The following SATB1 variants were observed in gnomAD, a reference collection of about 807,000 sequenced individuals.
SATB1 encodes SATB homeobox 1.
In SATB1, 11 loss-of-function variants were observed where a neutral mutation model predicts 86.9. The ratio of observed to expected loss-of-function variants is 0.13; its 90% CI spans 0.08 to 0.21. The LOEUF (loss-of-function observed/expected upper bound fraction) is 0.21, where lower values mean the gene tolerates loss of function less well. SATB1 is among the 10% of genes least tolerant of loss of function. SATB1 has a pLI of 1.00. For missense variants in SATB1, 551 were observed against 937.6 expected (o/e 0.59, Z 5.39); for synonymous variants, 357 against 357.2 (o/e 1.00, Z 0.01).
At chr3:18,407,714 T>C (rs1005244694) in intron 5 of SATB1, among the ~76,000 whole-genome samples, 1 of 151,924 alleles carries the variant, frequency 6.6e-6, no homozygotes, top group African/African-American at 2.4e-5. Flanking sequence ...AAAGTGATGC[T>C]AGAGAGCAAT....
intron 8 of SATB1, among the ~76,000 whole-genome samples, chr3:18,383,744 T>C (rs1030303526): frequency 1.3e-5 from 2 of 152,190 alleles, no homozygotes; most frequent in African/African-American, 4.8e-5. Context: ...TTTCAACTGC[T>C]ACAAGACAGC....
At chr3:18,439,797 A>G (rs781441721), upstream of SATB1, among the ~76,000 whole-genome samples, 21 of 152,192 alleles carry the variant, frequency 1.4e-4, no homozygotes, top group Non-Finnish European at 2.9e-4. Flanking sequence ...GAGTTCTGGA[A>G]TTCAACTTTA....
intron 7 of SATB1, among the ~76,000 whole-genome samples, chr3:18,387,924 G>A (rs1392260980): frequency 6.6e-6 from 1 of 152,094 alleles, no homozygotes; most frequent in Non-Finnish European, 1.5e-5. Flanking sequence ...CCATGTTGCC[G>A]AAATGCAACA....
At chr3:18,418,165 C>T (rs1033589153) in intron 2 of SATB1, among the ~76,000 whole-genome samples, 8 of 152,160 alleles carry the variant, frequency 5.3e-5, no homozygotes, top group Non-Finnish European at 2.9e-5. Flanking sequence ...CACCCAGGAT[C>T]CACAATTAGT....
intron 1 of SATB1, among the ~76,000 whole-genome samples, chr3:18,422,933 C>A (rs190883346): frequency 1.6e-4 from 25 of 152,296 alleles, no homozygotes; most frequent in Non-Finnish European, 2.9e-4. Context: ...TCATATAGGT[C>A]ATGAAAAACT....
chr3:18,431,416 C>T (rs1698887434), intron 2 of SATB1, among the ~76,000 whole-genome samples: 1 of 152,210 alleles, frequency 6.6e-6, no homozygotes, highest in African/African-American at 2.4e-5. Context: ...AACTGCAAGA[C>T]TCTAAGCATC....
chr3:18,413,614 T>A (rs1460714880), intron 5 of SATB1, among the ~76,000 whole-genome samples: 1 of 152,086 alleles, frequency 6.6e-6, no homozygotes, highest in Non-Finnish European at 1.5e-5. Context: ...CCTATTCATT[T>A]GTGATTAATT....
chr3:18,355,661 C>CAACAA (rs573699778), intron 9 of SATB1, among the ~76,000 whole-genome samples: 2 of 151,612 alleles, frequency 1.3e-5, no homozygotes, highest in Non-Finnish European at 3.0e-5. Flanking sequence ...AAAAAAACAC[C>CAACAA]AACAAAACAA....
intron 9 of SATB1, among the ~76,000 whole-genome samples, chr3:18,364,645 G>A (rs2125154939): frequency 6.6e-6 from 1 of 151,504 alleles, no homozygotes; most frequent in South Asian, 2.1e-4. Context: ...CCCCTAAATG[G>A]GTGACCCTTC....
At chr3:18,393,094 G>C (rs1696770476) in intron 7 of SATB1, among the ~76,000 whole-genome samples, 1 of 151,780 alleles carries the variant, frequency 6.6e-6, no homozygotes, top group Admixed American at 6.6e-5. Context: ...GATTCTCCTA[G>C]GTATGGAAAC....
chr3:18,396,240 T>G (rs1696959382), intron 6 of SATB1, among the ~76,000 whole-genome samples: 1 of 152,064 alleles, frequency 6.6e-6, no homozygotes, highest in Non-Finnish European at 1.5e-5. Flanking sequence ...CTTCAAATAT[T>G]AAGAGCTAAA....
chr3:18,444,497 A>T lies in SATB1; in HGVS notation c.-25+1021T>A, dbSNP rs978266663. On this transcript the variant is annotated intron_variant, in intron 1 of 3. Coordinates refer to the SATB1 transcript ENST00000415069. This position sits in a 1 kb window ranked among gnomAD's most constrained non-coding sequence, Gnocchi z 5.1. ...GGGAGCCCAGCCGCCCCAATAGGGG[A>T]CGAGGAGTGGGTGCTACGGAGAAGT... 2.5e-6 allele frequency: 2 copies of T among 792,838 alleles called. No homozygotes were observed. Among genetic ancestry groups the T allele is most frequent in the Non-Finnish European group, 3.1e-6 (2 of 654,400 alleles). The allele number at this position is 792,838 out of a possible 1,614,324, so 49.1% of individuals were successfully genotyped here. A position where few individuals can be genotyped will look rare whatever the true frequency, so the allele number is the denominator to read the frequency against.
rs144570798 is a variant in SATB1, at chr3:18,375,398, C to G, written c.1575+2772G>C. Among the ~76,000 whole-genome samples the G allele has an allele frequency of 1.2e-3, 188 of 152,122 alleles. 2 individuals carry two copies. The highest frequency in any genetic ancestry group is 2.9e-3 in the East Asian group (15 of 5,174). The stretch of plus-strand genomic sequence containing the variant: ...AAAAAAACACGATGGTTAAGTCAAC[C>G]CAGACAACCAGGGCAAGACACAGAA... On this transcript the variant is annotated intron_variant, in intron 9 of 10. Coordinates refer to ENST00000338745, the MANE Select transcript of SATB1 (RefSeq NM_002971.6).
intron 2 of SATB1, among the ~76,000 whole-genome samples, chr3:18,420,445 T>C (rs1161835142): frequency 6.6e-6 from 1 of 152,156 alleles, no homozygotes; most frequent in Non-Finnish European, 1.5e-5. Context: ...AAGAAACAGC[T>C]GCCTACAATC....
rs1046650934 is a variant in SATB1, at chr3:18,348,921, G to A, written c.*249C>T. Reference sequence around the variant, plus strand: ...CGGGGTACACACTTTGGTGCATCCCGTGAACACAAATTTTAATACCAAACA... The same window carrying A: ...CGGGGTACACACTTTGGTGCATCCCATGAACACAAATTTTAATACCAAACA... On this transcript the variant is annotated 3_prime_UTR_variant, in exon 11 of 11. Transcript: ENST00000338745. 2.2e-5 allele frequency: 12 copies of A among 549,818 alleles called. No individual in the cohort carries two copies. The highest frequency in any genetic ancestry group is 1.0e-4 in the East Asian group (3 of 28,884). 34.1% of individuals were successfully genotyped at this position (549,818 alleles called of 1,614,324 possible).
intron 5 of SATB1, among the ~76,000 whole-genome samples, chr3:18,413,877 G>C (rs1308070398): frequency 6.6e-6 from 1 of 152,034 alleles, no homozygotes; most frequent in Non-Finnish European, 1.5e-5. Flanking sequence ...AAATATCAAA[G>C]TAAAAGTGTT....
chr3:18,393,647 C>A (rs1469106348), intron 7 of SATB1, among the ~76,000 whole-genome samples: 1 of 152,122 alleles, frequency 6.6e-6, no homozygotes, highest in African/African-American at 2.4e-5. Context: ...AATGAGTCTG[C>A]AAACTAAGGC....
chr3:18,444,627 C>A lies in SATB1; in HGVS notation c.-25+891G>T, dbSNP rs1453146461. On this transcript the variant is annotated intron_variant, in intron 1 of 3. Coordinates refer to the SATB1 transcript ENST00000415069. The surrounding 1 kb of genome is among the most constrained non-coding windows in gnomAD (Gnocchi z 5.1). Reference sequence around the variant, plus strand: ...CTCACTCAGGCATGGACGTTGGGGGCGGCGGTGGCTGTCGAGTGCGGGCCT... The same window carrying A: ...CTCACTCAGGCATGGACGTTGGGGGAGGCGGTGGCTGTCGAGTGCGGGCCT... 1.0e-6 allele frequency: 1 copy of A among 985,204 alleles called. No individual in the cohort carries two copies. Among genetic ancestry groups the A allele is most frequent in the African/African-American group, 1.7e-5 (1 of 57,260 alleles). The allele number at this position is 985,204 out of a possible 1,614,324, so 61.0% of individuals were successfully genotyped here.
chr3:18,385,506 TC>T (rs1419505353), intron 8 of SATB1, among the ~76,000 whole-genome samples: 1 of 151,660 alleles, frequency 6.6e-6, no homozygotes, highest in Non-Finnish European at 1.5e-5. Flanking sequence ...GCCTGTAGTC[TC>T]AGCTACTTGG....
Sources: gnomAD v4.1 joint callset for allele counts (sites outside exome capture counted in the v4.1 genomes callset) on GRCh38, gnomAD v4.1.1 for gene constraint, Gnocchi (gnomAD v3.1) non-coding constraint, MANE v1.5 for transcripts, NCBI Gene and HGNC (gene_info 2026-07-23, HGNC 2026-07-21) for gene names.